VWA3B: variants seen among roughly 807,000 people sequenced by gnomAD.
VWA3B encodes the protein von Willebrand factor A domain containing 3B.
In VWA3B, 138 loss-of-function variants were observed where a neutral mutation model predicts 158.3. The ratio of observed to expected loss-of-function variants is 0.87; its 90% CI spans 0.76 to 1.00. The LOEUF (loss-of-function observed/expected upper bound fraction) is 1.00. Ranked by LOEUF, VWA3B falls within the 50% of genes least tolerant of loss-of-function variation. The probability of loss-of-function intolerance (pLI) is 0.00; values close to 1 mark genes in which losing one functional copy is unlikely to be tolerated. For synonymous variants in VWA3B, 596 were observed against 587.3 expected, an observed-to-expected ratio of 1.01 and a Z score of -0.21; for missense variants, 1,555 against 1,565.1, an observed-to-expected ratio of 0.99 and a Z score of 0.11.
rs538474932 is a variant in VWA3B at position 98,253,858 on chromosome 2, A to T, written c.2793-2266A>T. On this transcript the variant is annotated intron_variant, in intron 20 of 27. Transcript: ENST00000477737. ...TGAATCATGGGGCTGGACCAGCCGC[A>T]GAGAGGCCCTCAGGTCCAGTGCCGG... 3.3e-5 allele frequency among the ~76,000 whole-genome samples: 5 copies of T among 152,286 alleles called. No homozygotes were observed. In the South Asian group the frequency reaches 1.0e-3, roughly 32 times the overall value.
Position 98,236,692 on chromosome 2 carries a change from G to A in VWA3B, c.2635G>A (p.Val879Ile), listed in dbSNP as rs370362777. ...CCCGCACAGCTCCACCTATGTTCCC[G>A]TCCTGGACAAGCATGTCGTGTCTAA... ...AVPHSSTYVP[V>I]LDKHVVSKVF... The change falls in exon 19 of 28, where the codon GTC (valine) becomes ATC (isoleucine). Residue 879 changes from valine to isoleucine, a missense_variant. Transcript: ENST00000477737. The A allele has an allele frequency of 2.2e-5, 35 of 1,614,028 alleles. No individual in the cohort carries two copies. The Admixed American group carries it at 2.3e-4, about 11-fold the overall frequency.
chr2:98,319,881 C>CACAG, the VWA3B span, among the ~76,000 whole-genome samples: 2 of 126,468 alleles, frequency 1.6e-5, no homozygotes, highest in Non-Finnish European at 3.7e-5. Flanking sequence ...CTCCATCACA[C>CACAG]ACACACACAC....
intron 22 of VWA3B, among the ~76,000 whole-genome samples, chr2:98,280,878 C>G (rs1574269776): frequency 6.6e-6 from 1 of 152,222 alleles, no homozygotes; most frequent in African/African-American, 2.4e-5. Flanking sequence ...GAGCCCCCGC[C>G]CAGATGTGCC....
In VWA3B at chr2:98,290,536, C is replaced by T; in HGVS notation, c.3071C>T (p.Thr1024Ile). 1 of 1,580,288 alleles carries T rather than the reference C, an allele frequency of 6.3e-7. No individual in the cohort carries two copies. The highest frequency in any genetic ancestry group is 1.7e-4 in the Middle Eastern group (1 of 5,982). ...CAACAGAAATTGCAAGGAAATCCAA[C>T]AAAGAAAACCAAATCAAAAAGACCA... ...GEQQKLQGNP[T>I]KKTKSKRPDP... Residue 1024 changes from threonine (T) to isoleucine (I), a missense_variant, in exon 23 of 28, where the codon ACA becomes ATA. Transcript: ENST00000477737.
At chr2:98,161,168 C>G (rs935004937) in intron 7 of VWA3B, among the ~76,000 whole-genome samples, 1 of 152,144 alleles carries the variant, frequency 6.6e-6, no homozygotes, top group Non-Finnish European at 1.5e-5. Context: ...GAGGAAGGGG[C>G]TTTTCGGTGT....
chr2:98,300,809 C>T (rs1171711820), intron 25 of VWA3B, among the ~76,000 whole-genome samples: 1 of 152,126 alleles, frequency 6.6e-6, no homozygotes, highest in Non-Finnish European at 1.5e-5. Flanking sequence ...ACTCCGCAAG[C>T]CAGTGCACCC....
chr2:98,150,565 T>A (rs903628695), intron 7 of VWA3B, among the ~76,000 whole-genome samples: 2 of 152,200 alleles, frequency 1.3e-5, no homozygotes, highest in African/African-American at 4.8e-5. Context: ...CCACTAGGGA[T>A]CAAGTGAAAT....
At chr2:98,248,159 C>T (rs1040843965) in intron 19 of VWA3B, among the ~76,000 whole-genome samples, 13 of 151,602 alleles carry the variant, frequency 8.6e-5, no homozygotes, top group Non-Finnish European at 1.6e-4. Context: ...AATTTTTGTA[C>T]TTTTATATGG....
intron 14 of VWA3B, among the ~76,000 whole-genome samples, chr2:98,224,856 A>C (rs1479689668): frequency 1.3e-5 from 2 of 152,244 alleles, no homozygotes; most frequent in Non-Finnish European, 2.9e-5. Context: ...GAAATACATC[A>C]TGCAAAAATC....
intron 10 of VWA3B, among the ~76,000 whole-genome samples, chr2:98,192,652 A>G (rs538978931): frequency 6.6e-6 from 1 of 152,102 alleles, no homozygotes; most frequent in East Asian, 1.9e-4. Flanking sequence ...CAATGGATTT[A>G]TTTTTCTGTC....
intron 9 of VWA3B, among the ~76,000 whole-genome samples, chr2:98,181,557 G>C (rs926142652): frequency 6.6e-6 from 1 of 152,218 alleles, no homozygotes; most frequent in Non-Finnish European, 1.5e-5. Context: ...AGAAATTGCT[G>C]GTGAGTATGC....
chr2:98,139,277 G>A (rs867705117), intron 7 of VWA3B, among the ~76,000 whole-genome samples: 30 of 152,214 alleles, frequency 2.0e-4, no homozygotes, highest in African/African-American at 6.8e-4. Context: ...CCATACCTGA[G>A]CCTTCCCCCG....
chr2:98,297,494 T>C (rs1483823963), intron 23 of VWA3B, among the ~76,000 whole-genome samples: 2 of 152,242 alleles, frequency 1.3e-5, no homozygotes, highest in Non-Finnish European at 2.9e-5. Flanking sequence ...CCTTTTTACT[T>C]TCCCAATTTA....
intron 8 of VWA3B, among the ~76,000 whole-genome samples, chr2:98,167,707 G>A (rs1259300247): frequency 1.3e-5 from 2 of 152,156 alleles, no homozygotes; most frequent in Non-Finnish European, 2.9e-5. Flanking sequence ...ATACTGATCC[G>A]CTCATGCCTG....
At chr2:98,324,360 G>A in the VWA3B span, among the ~76,000 whole-genome samples, 27 of 152,070 alleles carry the variant, frequency 1.8e-4, no homozygotes, top group East Asian at 3.3e-3. Flanking sequence ...ATGAGGTTTC[G>A]CTGTGTTGGC....
chr2:98,139,106 C>T (rs1312308414), intron 7 of VWA3B, among the ~76,000 whole-genome samples: 2 of 152,218 alleles, frequency 1.3e-5, no homozygotes, highest in East Asian at 1.9e-4. Flanking sequence ...AGCAGCCGGC[C>T]GGCCCTGCCG....
intron 22 of VWA3B, among the ~76,000 whole-genome samples, chr2:98,274,362 A>G (rs1688392237): frequency 6.6e-6 from 1 of 152,192 alleles, no homozygotes; most frequent in South Asian, 2.1e-4. Context: ...AAACCCTTAC[A>G]GCCTTTCACT....
At chr2:98,210,253 T>C (rs1004643102) in intron 12 of VWA3B, among the ~76,000 whole-genome samples, 7 of 152,328 alleles carry the variant, frequency 4.6e-5, no homozygotes, top group Non-Finnish European at 8.8e-5. Context: ...TGTGGTTTCC[T>C]GCCTATCCTA....
Position 98,309,832 on chromosome 2 carries a change from C to T in VWA3B, c.3522-1987C>T, listed in dbSNP as rs77642803. 1.1e-3 allele frequency among the ~76,000 whole-genome samples: 171 copies of T among 152,348 alleles called. 6 individuals are homozygous for T. In the East Asian group the frequency reaches 0.023, roughly 21 times the overall value. On this transcript the variant is annotated intron_variant, in intron 26 of 27. Coordinates refer to ENST00000477737, the MANE Select transcript of VWA3B (RefSeq NM_144992.5). ...AGCCTCTGTATGTCATTAGCTCCCT[C>T]CGTCCCCTCTGGTTGGATTAGGAGC...
Sources: allele counts gnomAD v4.1 joint callset (sites outside exome capture counted in the v4.1 genomes callset), GRCh38; gene constraint gnomAD v4.1.1; transcripts MANE v1.5; gene names NCBI Gene and HGNC (gene_info 2026-07-23, HGNC 2026-07-21).